SLC38A8: variants seen among roughly 807,000 people sequenced by gnomAD.
SLC38A8 encodes solute carrier family 38 member 8.
A neutral mutation model predicts 46.0 loss-of-function variants in SLC38A8; 65 were observed. The observed-to-expected ratio is 1.41, with a 90% CI of 1.16 to 1.74. The LOEUF is 1.74. SLC38A8 is among the 40% of genes most tolerant of loss of function. The pLI, the probability that SLC38A8 is intolerant of heterozygous loss-of-function variation, is 0.00. For synonymous variants in SLC38A8, 447 were observed against 243.7 expected (o/e 1.83, Z -7.77); for missense variants, 998 against 567.9 (o/e 1.76, Z -7.70).
At chr16:84,033,271 C>G (rs2085265649) in intron 4 of SLC38A8, 57 bp downstream of exon 4, 3 of 1,612,074 alleles carry the variant, frequency 1.9e-6, no homozygotes, top group Admixed American at 1.7e-5. Flanking sequence ...GACAGAAACC[C>G]TGACACAAAC....
In SLC38A8 at chr16:84,017,168, C is replaced by A; in HGVS notation, c.925G>T (p.Val309Phe). 1 of 1,614,082 alleles carries A rather than the reference C, an allele frequency of 6.2e-7. No individual in the cohort carries two copies. Among genetic ancestry groups the A allele is most frequent in the Non-Finnish European group, 8.5e-7 (1 of 1,180,018 alleles). The change falls in exon 8 of 11, where the codon GTC becomes TTC. Residue 309 changes from valine to phenylalanine, a missense_variant. Val to Phe is a conservative substitution (Grantham distance 50). Transcript: ENST00000299709. ...CCCAGGAAGAGCACGATGGGGTAGACAGTTACGATGGAGACAGCAAAAAGG... is the reference window on the plus strand; with the variant it reads ...CCCAGGAAGAGCACGATGGGGTAGAAAGTTACGATGGAGACAGCAAAAAGG... ...RVLFAVSIVTVYPIVLFLGRS... is the reference protein window; with the variant it reads ...RVLFAVSIVTFYPIVLFLGRS...
chr16:84,011,657 G>A (rs915218145), intron 10 of SLC38A8, among the ~76,000 whole-genome samples: 1 of 152,208 alleles, frequency 6.6e-6, no homozygotes, highest in Non-Finnish European at 1.5e-5. Flanking sequence ...TGTAATTAAG[G>A]AAAAGATCTT....
At chr16:84,020,138 G>A (rs577398105) in intron 7 of SLC38A8, among the ~76,000 whole-genome samples, 11 of 123,788 alleles carry the variant, frequency 8.9e-5, no homozygotes, top group East Asian at 6.0e-4. Context: ...CACAACATCC[G>A]TTGTTTTTTT....
intron 7 of SLC38A8, among the ~76,000 whole-genome samples, chr16:84,018,291 G>C (rs1408334608): frequency 7.2e-6 from 1 of 139,356 alleles, no homozygotes; most frequent in African/African-American, 2.7e-5. Context: ...GGAGTGCAGT[G>C]GCACGATCTC....
rs1430296946 is a variant in SLC38A8, at chr16:84,016,712, G to C, written c.969C>G (p.Asp323Glu). The C allele has an allele frequency of 1.2e-6, 2 of 1,612,632 alleles. No individual in the cohort carries two copies. Among genetic ancestry groups the C allele is most frequent in the African/African-American group, 2.7e-5 (2 of 74,914 alleles). Residue 323 changes from aspartate (D) to glutamate (E), a missense_variant, in exon 9 of 11, where the codon GAC becomes GAG. Physicochemically the swap from Asp to Glu is conservative, Grantham distance 45 (BLOSUM62 2). Transcript: ENST00000299709. ...VLFLGRSVMQDFWRRSCLGGW... is the reference protein window; with the variant it reads ...VLFLGRSVMQEFWRRSCLGGW... ...CCCCCAAGCAGCTCCTCCTCCAGAAGTCCTGCATCACTGACCTGGAGGCCA... is the reference window on the plus strand; with the variant it reads ...CCCCCAAGCAGCTCCTCCTCCAGAACTCCTGCATCACTGACCTGGAGGCCA...
chr16:84,033,496 C>T (rs201263248), intron 3 of SLC38A8, 27 bp from the exon 4 acceptor site: 159 of 1,568,396 alleles, frequency 1.0e-4, no homozygotes, highest in Non-Finnish European at 1.4e-4. Context: ...GAGAGCTGAG[C>T]CACAGAGTAC....
chr16:84,034,105 G>A (rs1438999005), intron 3 of SLC38A8, among the ~76,000 whole-genome samples: 1 of 152,240 alleles, frequency 6.6e-6, no homozygotes, highest in Non-Finnish European at 1.5e-5. Flanking sequence ...CCTACTGCCT[G>A]ATGGGTACAC....
At chr16:84,019,975 G>C (rs569801088) in intron 7 of SLC38A8, among the ~76,000 whole-genome samples, 116 of 152,344 alleles carry the variant, frequency 7.6e-4, no homozygotes, top group African/African-American at 2.8e-3. Flanking sequence ...TCTGTTCACA[G>C]GGGTTGGCAC....
At chr16:84,029,774 G>A (rs1043726153) in intron 5 of SLC38A8, among the ~76,000 whole-genome samples, 2 of 152,188 alleles carry the variant, frequency 1.3e-5, no homozygotes, top group Non-Finnish European at 2.9e-5. Flanking sequence ...TTGGTAACAT[G>A]ACATTTTACA....
chr16:84,011,419 C>T (rs192021476), intron 10 of SLC38A8, among the ~76,000 whole-genome samples: 13 of 152,298 alleles, frequency 8.5e-5, no homozygotes, highest in Non-Finnish European at 1.6e-4. Flanking sequence ...AAACACTGCT[C>T]TCAAATCCAG....
intron 2 of SLC38A8, among the ~76,000 whole-genome samples, chr16:84,037,292 C>T (rs548245524): frequency 3.5e-4 from 54 of 152,314 alleles, no homozygotes; most frequent in Middle Eastern, 6.8e-3. Flanking sequence ...CGGGCACAGC[C>T]GGGCTCAGGT....
intron 6 of SLC38A8, among the ~76,000 whole-genome samples, chr16:84,024,654 A>ATG (rs2085140180): frequency 6.6e-6 from 1 of 152,026 alleles, no homozygotes; most frequent in Non-Finnish European, 1.5e-5. Context: ...GGTGGCAAGC[A>ATG]CCTGTAATCC....
chr16:84,035,130 C>A (rs541703404), intron 3 of SLC38A8, among the ~76,000 whole-genome samples: 1 of 152,340 alleles, frequency 6.6e-6, no homozygotes, highest in African/African-American at 2.4e-5. Flanking sequence ...CGTCCTCTGA[C>A]TAGTCAGGGG....
intron 2 of SLC38A8, 85 bp downstream of exon 2, chr16:84,041,884 C>T: frequency 7.9e-7 from 1 of 1,263,458 alleles, no homozygotes; most frequent in Non-Finnish European, 1.1e-6. Flanking sequence ...ACACGCAACT[C>T]CGCAGAAGCA....
chr16:84,022,302 C>A (rs1385900154), intron 7 of SLC38A8, among the ~76,000 whole-genome samples: 2 of 152,184 alleles, frequency 1.3e-5, no homozygotes, highest in Admixed American at 1.3e-4. Flanking sequence ...TACGATCCTG[C>A]GTGTCACAGC....
At chr16:84,020,417 G>C (rs1184137556) in intron 7 of SLC38A8, among the ~76,000 whole-genome samples, 3 of 152,152 alleles carry the variant, frequency 2.0e-5, no homozygotes, top group Non-Finnish European at 4.4e-5. Context: ...AAAAATGCTG[G>C]GATTACAGGC....
At chr16:84,021,686 A>G (rs2085097976) in intron 7 of SLC38A8, among the ~76,000 whole-genome samples, 1 of 152,238 alleles carries the variant, frequency 6.6e-6, no homozygotes, top group Non-Finnish European at 1.5e-5. Flanking sequence ...CGTTCCAGGT[A>G]GTCAATCATC....
At chr16:84,034,901 G>C (rs902540051) in intron 3 of SLC38A8, among the ~76,000 whole-genome samples, 4 of 152,104 alleles carry the variant, frequency 2.6e-5, no homozygotes, top group East Asian at 3.9e-4. Flanking sequence ...CCTAAACCCA[G>C]CGTTCCCGGA....
intron 3 of SLC38A8, among the ~76,000 whole-genome samples, chr16:84,034,920 A>C (rs140475899): frequency 9.9e-5 from 15 of 152,248 alleles, no homozygotes; most frequent in South Asian, 4.2e-4. Flanking sequence ...GATGCTTGAG[A>C]TCTTTGGCAC....
Sources: allele counts gnomAD v4.1 joint callset (sites outside exome capture counted in the v4.1 genomes callset), GRCh38; gene constraint gnomAD v4.1.1; transcripts MANE v1.5; gene names NCBI Gene and HGNC (gene_info 2026-07-23, HGNC 2026-07-21).